Variants in PEAK3 observed in about 807,000 individuals in gnomAD.
The protein encoded by PEAK3 is protein PEAK3.
Under a neutral mutation model 13.3 loss-of-function variants are expected in PEAK3, and 15 were observed. The observed-to-expected ratio is 1.13, with a 90% confidence interval of 0.75 to 1.73. The LOEUF (loss-of-function observed/expected upper bound fraction) is 1.73. Among genes scored for constraint, PEAK3 ranks in the 40% most tolerant of loss-of-function variants. The probability of loss-of-function intolerance (pLI) is 0.00; values close to 1 mark genes in which losing one functional copy is unlikely to be tolerated. For synonymous variants in PEAK3, 347 were observed against 341.9 expected (o/e 1.01, Z -0.17); for missense variants, 739 against 690.2 (o/e 1.07, Z -0.79).
In PEAK3 at chr19:2,280,771, GC is replaced by G. The variant is rs757246222; in HGVS notation, c.82+78del. 6.4e-5 allele frequency: 65 copies of G among 1,016,644 alleles called. No individual in the cohort carries two copies. The Middle Eastern group carries it at 1.9e-3, about 29-fold the overall frequency. The allele number at this position is 1,016,644 out of a possible 1,614,324, so 63.0% of individuals were successfully genotyped here. A position where few individuals can be genotyped will look rare whatever the true frequency, so the allele number is the denominator to read the frequency against. On this transcript the variant is annotated intron_variant, in intron 2 of 3. Coordinates refer to ENST00000342063, the MANE Select transcript of PEAK3 (RefSeq NM_198532.3). ...GCCCGGCAACCTCCTGCCGCTCCCT[GC>G]ACCCACCTGCCGCTCCCTGCACCCC...
At position 2,279,006 on chromosome 19, in the gene PEAK3, G is replaced by T; in HGVS notation, c.190C>A (p.Leu64Ile). ...GTGGGCAGTGACTGGGTCCGGGTTA[G>T]GATCTTCTTGGGCAGGGGTGGGGGC... ...PLPPPLPKKILTRTQSLPTRR... is the reference protein window; with the variant it reads ...PLPPPLPKKIITRTQSLPTRR... Residue 64 changes from leucine (L) to isoleucine (I), a missense_variant, in exon 3 of 4, where the codon CTA (leucine) becomes ATA (isoleucine). Coordinates refer to ENST00000342063, the MANE Select transcript of PEAK3 (RefSeq NM_198532.3). 6.4e-7 allele frequency: 1 copy of T among 1,568,842 alleles called. No individual in the cohort carries two copies. The highest frequency in any genetic ancestry group is 8.7e-7 in the Non-Finnish European group (1 of 1,151,478).
rs2025382276 is a variant in PEAK3 at position 2,275,994 on chromosome 19, A to G, written c.1108T>C (p.Leu370=). The G allele has an allele frequency of 7.1e-7, 1 of 1,411,484 alleles. No individual in the cohort carries two copies. The highest frequency in any genetic ancestry group is 9.2e-7 in the Non-Finnish European group (1 of 1,088,718). 87.4% of individuals were successfully genotyped at this position (1,411,484 alleles called of 1,614,324 possible). The change falls in exon 4 of 4, where the codon TTG becomes CTG. Residue 370 remains leucine (L), a synonymous_variant. Transcript: ENST00000342063. ...LSLAAPSTTP[L]AAGLELLAAQ... is the part of the protein sequence containing the mutation. ...GCCAGGAGCTCCAGGCCCGCGGCCA[A>G]AGGCGTGGTCGAGGGCGCAGCAAGG...
chr19:2,279,519 G>A (rs940290894), intron 2 of PEAK3, among the ~76,000 whole-genome samples: 1 of 151,958 alleles, frequency 6.6e-6, no homozygotes, highest in Admixed American at 6.6e-5. Flanking sequence ...AGCCGGGCTT[G>A]GTGGTGGGCG....
In PEAK3 at chr19:2,280,563, C is replaced by T. The variant is rs146739864; in HGVS notation, c.82+287G>A. 2.4e-3 allele frequency among the ~76,000 whole-genome samples: 362 copies of T among 150,642 alleles called. 1 individual carries two copies. Among genetic ancestry groups the T allele is most frequent in the African/African-American group, 8.4e-3 (343 of 40,934 alleles). ...GCGGGTCTCATTATATTGCCCAGGC[C>T]GGTCTTGAACTCCTGGCCTCAAGGG... On this transcript the variant is annotated intron_variant, in intron 2 of 3. Coordinates refer to ENST00000342063, the MANE Select transcript of PEAK3 (RefSeq NM_198532.3).
Position 2,276,320 on chromosome 19 carries a change from G to A in PEAK3, c.782C>T (p.Thr261Met), listed in dbSNP as rs1283655466. The A allele has an allele frequency of 2.5e-6, 4 of 1,598,300 alleles. No homozygotes were observed. Among genetic ancestry groups the A allele is most frequent in the South Asian group, 2.2e-5 (2 of 90,696 alleles). The change falls in exon 4 of 4, where the codon ACG becomes ATG. Residue 261 changes from threonine to methionine, a missense_variant. Physicochemically the swap from Thr to Met is moderately conservative, Grantham distance 81. Coordinates refer to ENST00000342063, the MANE Select transcript of PEAK3 (RefSeq NM_198532.3). ...VALAAEVPER[T>M]VAQWLAEACT... ...GGCCTCCGCCAGCCACTGCGCCACC[G>A]TGCGCTCTGGAACCTCGGCTGCCAG...
Position 2,278,688 on chromosome 19 carries a change from TGTGGCCGGGGTG to T in PEAK3, c.496_507del (p.His166_His169del), listed in dbSNP as rs770503545. 1.2e-5 allele frequency: 19 copies of T among 1,526,356 alleles called. No individual in the cohort carries two copies. Among genetic ancestry groups the T allele is most frequent in the Non-Finnish European group, 1.7e-5 (19 of 1,136,760 alleles). 94.6% of individuals were successfully genotyped at this position (1,526,356 alleles called of 1,614,324 possible). A position where few individuals can be genotyped will look rare whatever the true frequency, so the allele number is the denominator to read the frequency against. On this transcript the variant is annotated inframe_deletion, in exon 3 of 4. Transcript: ENST00000342063. ...GGTGAGCTGTCTAGGAGGCGGAAGC[TGTGGCCGGGGTG>T]GCAGGGCCCGGGGTGGCCCCCCATG...
chr19:2,275,999 G>A lies in PEAK3; in HGVS notation c.1103C>T (p.Thr368Met), dbSNP rs1334229557. The A allele has an allele frequency of 2.8e-6, 4 of 1,411,664 alleles. No homozygotes were observed. The South Asian group carries it at 6.0e-5, about 21-fold the overall frequency. The allele number at this position is 1,411,664 out of a possible 1,614,324, so 87.4% of individuals were successfully genotyped here. Residue 368 changes from threonine to methionine, a missense_variant, in exon 4 of 4, where the codon ACG becomes ATG. Coordinates refer to ENST00000342063, the MANE Select transcript of PEAK3 (RefSeq NM_198532.3). ...GAGCTCCAGGCCCGCGGCCAAAGGC[G>A]TGGTCGAGGGCGCAGCAAGGCTGAG... ...ALLSLAAPST[T>M]PLAAGLELLA...
At chr19:2,280,231 T>G (rs1160800770) in intron 2 of PEAK3, among the ~76,000 whole-genome samples, 1 of 151,430 alleles carries the variant, frequency 6.6e-6, no homozygotes, top group African/African-American at 2.4e-5. Flanking sequence ...TCTGGCTAAT[T>G]TTTGTATTTT....
At chr19:2,280,053 CTTTTTTTTTTTTT>C (rs34177687) in intron 2 of PEAK3, among the ~76,000 whole-genome samples, 3 of 36,788 alleles carry the variant, frequency 8.2e-5, no homozygotes, top group Non-Finnish European at 1.4e-4. Context: ...TGCACCTGGC[CTTTTTTTTTTTTT>C]TTTTTTTTTT....
At chr19:2,279,597 A>G (rs2025422856) in intron 2 of PEAK3, among the ~76,000 whole-genome samples, 3 of 150,644 alleles carry the variant, frequency 2.0e-5, no homozygotes, top group African/African-American at 2.4e-5. Context: ...TGGAGCTTGC[A>G]GTGAACCGAG....
At position 2,276,104 on chromosome 19, in the gene PEAK3, C is replaced by T. The variant is rs546912673; in HGVS notation, c.998G>A (p.Arg333His). 4 of 1,508,272 alleles carry T rather than the reference C, an allele frequency of 2.7e-6. No homozygotes were observed. Among genetic ancestry groups the T allele is most frequent in the Non-Finnish European group, 2.7e-6 (3 of 1,126,238 alleles). The allele number at this position is 1,508,272 out of a possible 1,614,324, so 93.4% of individuals were successfully genotyped here. The change falls in exon 4 of 4, where the codon CGC becomes CAC. Residue 333 changes from arginine (R) to histidine (H), a missense_variant. By Grantham distance (29) the Arg-to-His change is conservative. Coordinates refer to ENST00000342063, the MANE Select transcript of PEAK3 (RefSeq NM_198532.3). ...GGGTCCAGGGGGCTGCAGACAGACG[C>T]GGCCAAAGTCAGTGAGGAGCAGGCG... ...PPRLLLTDFG[R>H]VCLQPPGPPG...
In PEAK3 at chr19:2,275,666, G is replaced by C. The variant is rs1330893027; in HGVS notation, c.*14C>G. 1.4e-6 allele frequency: 2 copies of C among 1,437,352 alleles called. No homozygotes were observed. Among genetic ancestry groups the C allele is most frequent in the Non-Finnish European group, 9.2e-7 (1 of 1,090,864 alleles). 89.0% of individuals were successfully genotyped at this position (1,437,352 alleles called of 1,614,324 possible). A position where few individuals can be genotyped will look rare whatever the true frequency, so the allele number is the denominator to read the frequency against. On this transcript the variant is annotated 3_prime_UTR_variant, in exon 4 of 4. Transcript: ENST00000342063. Reference sequence around the variant, plus strand: ...GGGCAGGCCTGGACCAGGTGTGTTCGCCCTGGGTTGGGGTCAGTCCCACAG... The same window carrying C: ...GGGCAGGCCTGGACCAGGTGTGTTCCCCCTGGGTTGGGGTCAGTCCCACAG...
Position 2,276,461 on chromosome 19 carries a change from T to C in PEAK3, c.641A>G (p.His214Arg). ...GGCCTGCAGCTCCAGGCCCCACGGG[T>C]GGGGCACGTCCGCCCCGGGCTTGGG... is the stretch of plus-strand genomic sequence containing the variant. ...KVPKPGADVP[H>R]PWGLELQASL... The change falls in exon 4 of 4, where the codon CAC becomes CGC. Residue 214 changes from histidine to arginine, a missense_variant. Transcript: ENST00000342063. 6.4e-7 allele frequency: 1 copy of C among 1,568,950 alleles called. No homozygotes were observed. The highest frequency in any genetic ancestry group is 8.6e-7 in the Non-Finnish European group (1 of 1,161,786).
Position 2,278,647 on chromosome 19 carries a change from C to T in PEAK3, c.549G>A (p.Gly183=). 2.0e-6 allele frequency: 3 copies of T among 1,509,060 alleles called. No homozygotes were observed. Among genetic ancestry groups the T allele is most frequent in the Non-Finnish European group, 2.7e-6 (3 of 1,128,726 alleles). The allele number at this position is 1,509,060 out of a possible 1,614,324, so 93.5% of individuals were successfully genotyped here. A position where few individuals can be genotyped will look rare whatever the true frequency, so the allele number is the denominator to read the frequency against. Residue 183 remains glycine (G), a synonymous_variant, in exon 3 of 4, where the codon GGG becomes GGA. Coordinates refer to ENST00000342063, the MANE Select transcript of PEAK3 (RefSeq NM_198532.3). The part of the protein sequence containing the change: ...LLDSSPCAES[G]DALYYRVVRA... ...GCACCACGCGGTAATACAGGGCGTC[C>T]CCGCTCTCTGCGCAGGGTGAGCTGT...
At chr19:2,281,213 G>T (rs1479106573) in intron 1 of PEAK3, among the ~76,000 whole-genome samples, 1 of 150,298 alleles carries the variant, frequency 6.7e-6, no homozygotes, top group Non-Finnish European at 1.5e-5. Context: ...TCCCGAGTGG[G>T]TTTCCTACTC....
intron 3 of PEAK3, among the ~76,000 whole-genome samples, chr19:2,278,288 C>G (rs1230457058): frequency 2.0e-5 from 3 of 150,614 alleles, no homozygotes; most frequent in Non-Finnish European, 4.4e-5. Flanking sequence ...CCTCAGTCTC[C>G]CAAGTAGCTG....
chr19:2,281,432 C>G (rs368334211), intron 1 of PEAK3, among the ~76,000 whole-genome samples: 15 of 105,554 alleles, frequency 1.4e-4, no homozygotes, highest in Admixed American at 2.8e-4. Context: ...GAGTGGGTTT[C>G]CTGCCCTCTC....
rs1447647863 is a variant in PEAK3, at chr19:2,279,114, C to A, written c.83-1G>T. On this transcript the variant is annotated splice_acceptor_variant, in intron 2 of 3. Transcript: ENST00000342063. LOFTEE classifies it high-confidence loss of function. ...GGCAGCAGGTGGGCACGGATCTGACCTGCAGGGAGAGACAGTGGGGGAGGG... is the reference window on the plus strand; with the variant it reads ...GGCAGCAGGTGGGCACGGATCTGACATGCAGGGAGAGACAGTGGGGGAGGG... The A allele has an allele frequency of 1.4e-6, 2 of 1,437,134 alleles. No homozygotes were observed. Among genetic ancestry groups the A allele is most frequent in the Non-Finnish European group, 1.8e-6 (2 of 1,090,330 alleles). The allele number at this position is 1,437,134 out of a possible 1,614,324, so 89.0% of individuals were successfully genotyped here.
At position 2,276,019 on chromosome 19, in the gene PEAK3, G is replaced by C. The variant is rs1209993108; in HGVS notation, c.1083C>G (p.Ser361Arg). 1 of 1,426,050 alleles carries C rather than the reference G, an allele frequency of 7.0e-7. No homozygotes were observed. The highest frequency in any genetic ancestry group is 9.1e-7 in the Non-Finnish European group (1 of 1,094,900). The allele number at this position is 1,426,050 out of a possible 1,614,324, so 88.3% of individuals were successfully genotyped here. A position where few individuals can be genotyped will look rare whatever the true frequency, so the allele number is the denominator to read the frequency against. The stretch of plus-strand genomic sequence containing the variant: ...AAGGCGTGGTCGAGGGCGCAGCAAG[G>C]CTGAGCAGCGCTCGGAGGAGGCTGC... ...QLGSLLRALLSLAAPSTTPLA... is the reference protein window; with the variant it reads ...QLGSLLRALLRLAAPSTTPLA... The change falls in exon 4 of 4, where the codon AGC becomes AGG. Residue 361 changes from serine (S) to arginine (R), a missense_variant. Coordinates refer to ENST00000342063, the MANE Select transcript of PEAK3 (RefSeq NM_198532.3).
Sources: allele counts gnomAD v4.1 joint callset (sites outside exome capture counted in the v4.1 genomes callset), GRCh38; gene constraint gnomAD v4.1.1; transcripts MANE v1.5; gene names NCBI Gene and HGNC (gene_info 2026-07-23, HGNC 2026-07-21).